PGBD5: variants seen among roughly 807,000 people sequenced by gnomAD.
PGBD5 encodes piggyBac transposable element derived 5.
In PGBD5, 14 loss-of-function variants were observed where a neutral mutation model predicts 47.9. That is an observed-to-expected ratio of 0.29 (90% CI 0.19 to 0.46). The LOEUF is 0.46. PGBD5 is among the 20% of genes least tolerant of loss of function. The pLI is 1.00. For missense variants in PGBD5, 635 were observed against 716.0 expected (o/e 0.89, Z 1.29); for synonymous variants, 316 against 306.3 (o/e 1.03, Z -0.33).
rs149159579 is a variant in PGBD5, at chr1:230,353,352, G to A, written c.760-2260C>T. Among the ~76,000 whole-genome samples the A allele has an allele frequency of 1.2e-3, 182 of 152,242 alleles. 2 individuals are homozygous for A. The highest frequency in any genetic ancestry group is 3.6e-3 in the African/African-American group (149 of 41,538). On this transcript the variant is annotated intron_variant, in intron 2 of 6. Transcript: ENST00000391860. The stretch of plus-strand genomic sequence containing the variant: ...TTATTGATTTGCACAATCCCTCCCC[G>A]AAAATATTTCTCTAATTAATCTGGC...
At chr1:230,369,973 C>G (rs904426224) in intron 1 of PGBD5, among the ~76,000 whole-genome samples, 1 of 152,240 alleles carries the variant, frequency 6.6e-6, no homozygotes, top group Non-Finnish European at 1.5e-5. Context: ...AGAAATAATG[C>G]ACCCCAGCCA....
At chr1:230,339,234 C>CA in intron 3 of PGBD5, among the ~76,000 whole-genome samples, 1 of 152,332 alleles carries the variant, frequency 6.6e-6, no homozygotes, top group East Asian at 1.9e-4. Context: ...AAGATGACGT[C>CA]AGTTTTATTC....
chr1:230,376,280 A>G (rs1437914363), intron 1 of PGBD5, among the ~76,000 whole-genome samples: 1 of 152,130 alleles, frequency 6.6e-6, no homozygotes, highest in Non-Finnish European at 1.5e-5. Flanking sequence ...TCAAACCTGG[A>G]GCTTGTTTCA....
At chr1:230,338,590 G>A (rs1482872688) in intron 3 of PGBD5, among the ~76,000 whole-genome samples, 1 of 152,172 alleles carries the variant, frequency 6.6e-6, no homozygotes, top group African/African-American at 2.4e-5. Context: ...CCTGAGGTCA[G>A]GAGTTCGAGA....
intron 2 of PGBD5, among the ~76,000 whole-genome samples, chr1:230,353,963 G>T (rs1442009188): frequency 6.6e-6 from 1 of 152,206 alleles, no homozygotes; most frequent in African/African-American, 2.4e-5. Flanking sequence ...GAGCCGAGCA[G>T]GGCGGGCCGA....
rs1436164506 is a variant in PGBD5 at position 230,320,406 on chromosome 1, T to C, written c.*3019A>G. The C allele has an allele frequency of 6.6e-6, 1 of 152,200 alleles. No individual in the cohort carries two copies. Among genetic ancestry groups the C allele is most frequent in the Non-Finnish European group, 1.5e-5 (1 of 68,040 alleles). The allele number at this position is 152,200 out of a possible 1,614,324, so 9.4% of individuals were successfully genotyped here. On this transcript the variant is annotated 3_prime_UTR_variant, in exon 7 of 7. Transcript: ENST00000391860. ...AAATGCAGATTCTCTTTGGAGAAGC[T>C]TGGAAGTTTTTGTGGGTGTTTTGTT...
rs1013698273 is a variant in PGBD5, at chr1:230,361,278, TA to T, written c.332-3958del. Among the ~76,000 whole-genome samples the T allele has an allele frequency of 1.4e-3, 215 of 151,594 alleles. 1 individual carries two copies. The highest frequency in any genetic ancestry group is 4.5e-3 in the African/African-American group (187 of 41,304). ...GGGGAAGGGAGAACCTATGTGGGTTTAAAAAAAAATTAAAAAGCAAAGGCAG... is the reference window on the plus strand; with the variant it reads ...GGGGAAGGGAGAACCTATGTGGGTTTAAAAAAAATTAAAAAGCAAAGGCAG... On this transcript the variant is annotated intron_variant, in intron 1 of 6. Coordinates refer to ENST00000391860, the MANE Select transcript of PGBD5 (RefSeq NM_001258311.2).
intron 1 of PGBD5, among the ~76,000 whole-genome samples, chr1:230,387,001 C>T (rs923199985): frequency 4.6e-5 from 7 of 152,140 alleles, no homozygotes; most frequent in Admixed American, 4.6e-4. Context: ...ATGATGTGTC[C>T]CTGCTACTTT....
At chr1:230,368,158 A>C in intron 1 of PGBD5, 3 of 1,367,082 alleles carry the variant, frequency 2.2e-6, no homozygotes, top group Non-Finnish European at 2.9e-6. Context: ...CGGAGGAGGA[A>C]TAAGGTGGAG....
intron 1 of PGBD5, among the ~76,000 whole-genome samples, chr1:230,409,293 A>G (rs1657365863): frequency 6.6e-6 from 1 of 152,230 alleles, no homozygotes; most frequent in Admixed American, 6.5e-5. Context: ...TTTGGAAAAC[A>G]GCCTGGTAGT....
Position 230,320,036 on chromosome 1 carries a change from T to C in PGBD5, c.*3389A>G, listed in dbSNP as rs1667013071. 1 of 152,058 alleles carries C rather than the reference T, an allele frequency of 6.6e-6. No homozygotes were observed. Among genetic ancestry groups the C allele is most frequent in the African/African-American group, 2.4e-5 (1 of 41,366 alleles). 9.4% of individuals were successfully genotyped at this position (152,058 alleles called of 1,614,324 possible). On this transcript the variant is annotated 3_prime_UTR_variant, in exon 7 of 7. Coordinates refer to ENST00000391860, the MANE Select transcript of PGBD5 (RefSeq NM_001258311.2). ...CACCACCACACCCAGCTAATTTTTGTATTTTTAGTAGAGATGGGGTTTCAC... is the reference window on the plus strand; with the variant it reads ...CACCACCACACCCAGCTAATTTTTGCATTTTTAGTAGAGATGGGGTTTCAC...
intron 5 of PGBD5, 46 bp downstream of exon 5, chr1:230,332,798 C>T (rs747965506): frequency 6.2e-7 from 1 of 1,609,246 alleles, no homozygotes; most frequent in Non-Finnish European, 8.5e-7. Context: ...CCAAGCTCAA[C>T]CAATCCCCGC....
At chr1:230,401,174 G>A (rs536567881) in intron 1 of PGBD5, among the ~76,000 whole-genome samples, 6 of 152,340 alleles carry the variant, frequency 3.9e-5, no homozygotes, top group South Asian at 2.1e-4. Context: ...GGAGAGCTGC[G>A]TGGTGGGAGT....
intron 1 of PGBD5, among the ~76,000 whole-genome samples, chr1:230,403,509 A>G (rs1239066282): frequency 6.6e-6 from 1 of 152,182 alleles, no homozygotes. Flanking sequence ...AGAGACCAGC[A>G]CCAGAGCCTC....
At chr1:230,398,051 G>C (rs1657043094) in intron 1 of PGBD5, among the ~76,000 whole-genome samples, 1 of 152,168 alleles carries the variant, frequency 6.6e-6, no homozygotes, top group Non-Finnish European at 1.5e-5. Flanking sequence ...CTGGCACCCA[G>C]GAACTCCTAT....
intron 3 of PGBD5, among the ~76,000 whole-genome samples, chr1:230,349,365 C>G (rs1667526063): frequency 6.6e-6 from 1 of 151,882 alleles, no homozygotes; most frequent in Non-Finnish European, 1.5e-5. Context: ...CCATCTCTAC[C>G]AAAATGAAAA....
chr1:230,316,683 G>C lies in PGBD5; in HGVS notation c.*6742C>G, dbSNP rs377753198. On this transcript the variant is annotated 3_prime_UTR_variant, in exon 7 of 7. Coordinates refer to ENST00000391860, the MANE Select transcript of PGBD5 (RefSeq NM_001258311.2). ...AAGGTGGGACATGAGAATTGGGCTG[G>C]GAACAAGGAACCCTCACATGGATCG... 6.6e-6 allele frequency: 1 copy of C among 152,106 alleles called. No individual in the cohort carries two copies. Among genetic ancestry groups the C allele is most frequent in the East Asian group, 1.9e-4 (1 of 5,190 alleles). 9.4% of individuals were successfully genotyped at this position (152,106 alleles called of 1,614,324 possible).
chr1:230,374,392 G>A (rs11122500), intron 1 of PGBD5, among the ~76,000 whole-genome samples: 12,691 of 152,128 alleles, frequency 0.083, 1,769 homozygotes, highest in African/African-American at 0.29. Flanking sequence ...ACTACAGCCT[G>A]GGCAACAGAG....
chr1:230,339,929 T>C (rs894132763), intron 3 of PGBD5, among the ~76,000 whole-genome samples: 2 of 152,158 alleles, frequency 1.3e-5, no homozygotes, highest in Non-Finnish European at 2.9e-5. Context: ...TGGTACCACA[T>C]GGTGACTAAA....
Sources: allele counts gnomAD v4.1 joint callset (sites outside exome capture counted in the v4.1 genomes callset), GRCh38; gene constraint gnomAD v4.1.1; transcripts MANE v1.5; gene names NCBI Gene and HGNC (gene_info 2026-07-23, HGNC 2026-07-21).